The following INPP4B variants were observed in gnomAD, a reference collection of about 807,000 sequenced individuals.
The protein encoded by INPP4B is inositol polyphosphate 4-phosphatase type II.
Under a neutral mutation model 122.5 loss-of-function variants are expected in INPP4B, and 55 were observed. The observed-to-expected ratio is 0.45, with a 90% CI of 0.36 to 0.56. INPP4B has a LOEUF of 0.56. Among genes scored for constraint, INPP4B ranks in the 20% least tolerant of loss-of-function variants. The pLI, the probability that INPP4B is intolerant of heterozygous loss-of-function variation, is 0.00. For synonymous variants in INPP4B, 403 were observed against 388.7 expected, an observed-to-expected ratio of 1.04 and a Z score of -0.43; for missense variants, 1,000 against 1,097.7, an observed-to-expected ratio of 0.91 and a Z score of 1.26.
chr4:142,728,447 C>T (rs1433760977), intron 1 of INPP4B, among the ~76,000 whole-genome samples: 1 of 152,032 alleles, frequency 6.6e-6, no homozygotes, highest in African/African-American at 2.4e-5. Flanking sequence ...GAAGTCCTAC[C>T]CTGAATATGA....
chr4:142,093,806 T>A (rs1367262859), intron 23 of INPP4B, among the ~76,000 whole-genome samples: 1 of 152,168 alleles, frequency 6.6e-6, no homozygotes, highest in Non-Finnish European at 1.5e-5. Context: ...CAAGATCCCA[T>A]CCTGGTCTGC....
At chr4:142,188,509 AAG>A (rs1491065096) in intron 15 of INPP4B, among the ~76,000 whole-genome samples, 26,862 of 73,420 alleles carry the variant, frequency 0.37, 6,646 homozygotes, top group Non-Finnish European at 0.44. Flanking sequence ...AAAAAAAAAA[AAG>A]AAAAAAAATA....
At chr4:142,112,411 GA>G in intron 22 of INPP4B, 130 bp downstream of exon 22, 1 of 956,472 alleles carries the variant, frequency 1.0e-6, no homozygotes, top group Non-Finnish European at 1.5e-6. Context: ...CAAATAATTT[GA>G]TACTGATAAA....
intron 2 of INPP4B, among the ~76,000 whole-genome samples, chr4:142,676,927 C>T (rs973672016): frequency 6.6e-6 from 1 of 152,126 alleles, no homozygotes; most frequent in Non-Finnish European, 1.5e-5. Flanking sequence ...AGGACATAGG[C>T]ATGGGCGCAG....
intron 2 of INPP4B, among the ~76,000 whole-genome samples, chr4:142,517,831 C>T (rs1825602177): frequency 6.6e-6 from 1 of 152,174 alleles, no homozygotes; most frequent in African/African-American, 2.4e-5. Context: ...CACACCTCCA[C>T]TTCTGGTTTC....
intron 25 of INPP4B, among the ~76,000 whole-genome samples, chr4:142,051,698 A>T (rs1754697545): frequency 6.6e-6 from 1 of 152,070 alleles, no homozygotes; most frequent in Non-Finnish European, 1.5e-5. Context: ...AACTAATTAG[A>T]AAATAAACCA....
intron 9 of INPP4B, among the ~76,000 whole-genome samples, chr4:142,299,139 T>G (rs1052854215): frequency 4.7e-5 from 7 of 149,432 alleles, no homozygotes; most frequent in African/African-American, 1.7e-4. Flanking sequence ...GCTTTTTCAC[T>G]TTTTTTTTCT....
At chr4:142,475,297 A>T (rs1380563959) in intron 2 of INPP4B, among the ~76,000 whole-genome samples, 1 of 151,738 alleles carries the variant, frequency 6.6e-6, no homozygotes, top group Non-Finnish European at 1.5e-5. Flanking sequence ...AAAACCCCCA[A>T]AAAACAAAAC....
chr4:142,805,909 T>C (rs1489280549), intron 1 of INPP4B, among the ~76,000 whole-genome samples: 1 of 152,150 alleles, frequency 6.6e-6, no homozygotes, highest in Non-Finnish European at 1.5e-5. Context: ...TGTTCAAGGC[T>C]CAACTGTATT....
chr4:142,158,655 A>G (rs1818478505), intron 17 of INPP4B, among the ~76,000 whole-genome samples: 1 of 152,108 alleles, frequency 6.6e-6, no homozygotes, highest in East Asian at 1.9e-4. Flanking sequence ...ATTTTTATCT[A>G]TCACTAGACT....
intron 25 of INPP4B, among the ~76,000 whole-genome samples, chr4:142,069,035 C>T (rs1295425380): frequency 4.6e-5 from 7 of 152,292 alleles, no homozygotes; most frequent in African/African-American, 1.7e-4. Flanking sequence ...ATACATTCTT[C>T]TCAGCACCAC....
chr4:142,089,257 G>A (rs1778280921), intron 23 of INPP4B, among the ~76,000 whole-genome samples: 1 of 152,194 alleles, frequency 6.6e-6, no homozygotes, highest in South Asian at 2.1e-4. Flanking sequence ...TCTTTCTGAA[G>A]TCAGGCTTGT....
chr4:142,090,716 T>TC (rs1779139679), intron 23 of INPP4B, among the ~76,000 whole-genome samples: 1 of 151,926 alleles, frequency 6.6e-6, no homozygotes, highest in African/African-American at 2.4e-5. Context: ...CTTTTTTTTT[T>TC]CAAATGGAGT....
chr4:142,123,774 A>C (rs984367915), intron 19 of INPP4B, among the ~76,000 whole-genome samples: 2 of 152,180 alleles, frequency 1.3e-5, no homozygotes, highest in East Asian at 3.9e-4. Flanking sequence ...ATCATTTCAC[A>C]GGGTCATTAA....
intron 1 of INPP4B, among the ~76,000 whole-genome samples, chr4:142,779,978 T>A (rs1240887011): frequency 6.6e-6 from 1 of 152,022 alleles, no homozygotes; most frequent in Non-Finnish European, 1.5e-5. Context: ...AGCCAGATAA[T>A]AAGGCTGCAG....
chr4:142,698,861 G>C (rs1761352090), intron 2 of INPP4B, among the ~76,000 whole-genome samples: 2 of 152,164 alleles, frequency 1.3e-5, no homozygotes, highest in African/African-American at 4.8e-5. Flanking sequence ...AGGAGCTGAA[G>C]GGGAACCTTG....
intron 15 of INPP4B, among the ~76,000 whole-genome samples, chr4:142,187,498 G>A (rs1041598201): frequency 1.6e-4 from 25 of 151,838 alleles, no homozygotes; most frequent in African/African-American, 5.8e-4. Flanking sequence ...CATATTATGT[G>A]TATGTGTGTG....
intron 2 of INPP4B, among the ~76,000 whole-genome samples, chr4:142,663,675 G>C (rs1238212859): frequency 2.7e-5 from 4 of 148,732 alleles, no homozygotes; most frequent in Non-Finnish European, 6.0e-5. Flanking sequence ...ATTTTTAATA[G>C]ACCATTTATT....
chr4:142,733,891 C>A (rs541979505), intron 1 of INPP4B, among the ~76,000 whole-genome samples: 2 of 152,170 alleles, frequency 1.3e-5, no homozygotes, highest in African/African-American at 2.4e-5. Context: ...TATATTCATA[C>A]AATGAAATGC....
Sources: gnomAD v4.1 joint callset for allele counts (sites outside exome capture counted in the v4.1 genomes callset) on GRCh38, gnomAD v4.1.1 for gene constraint, MANE v1.5 for transcripts, NCBI Gene and HGNC (gene_info 2026-07-23, HGNC 2026-07-21) for gene names.